The following ATRX variants were observed in gnomAD, a reference collection of about 807,000 sequenced individuals.
ATRX encodes the protein ATRX chromatin remodeler, also known as chromatin remodeler ATRX.
In ATRX, 12 loss-of-function variants were observed where a neutral mutation model predicts 172.6. That is an observed-to-expected ratio of 0.07 (90% CI 0.04 to 0.11). The LOEUF is 0.11. ATRX is among the 10% of genes least tolerant of loss of function. The pLI is 1.00. For missense variants in ATRX, 1,368 were observed against 1,767.4 expected (o/e 0.77, Z 4.05); for synonymous variants, 674 against 594.7 (o/e 1.13, Z -1.94).
At chrX:77,563,273 G>A (rs2065079694) in intron 28 of ATRX, among the ~76,000 whole-genome samples, 1 of 112,204 alleles carries the variant, frequency 8.9e-6, no homozygotes, top group East Asian at 2.8e-4. Flanking sequence ...ATATGGGTAA[G>A]GCTTAAGTAA....
At chrX:77,610,255 T>C (rs1031790816) in intron 22 of ATRX, among the ~76,000 whole-genome samples, 29 of 112,183 alleles carry the variant, frequency 2.6e-4, no homozygotes, top group Non-Finnish European at 3.8e-5. Context: ...GGCCAGAACC[T>C]CTAGAAAATG....
chrX:77,521,644 A>G (rs1251587997), intron 32 of ATRX, 146 bp from the exon 33 acceptor site: 2 of 449,979 alleles, frequency 4.4e-6, no homozygotes, highest in African/African-American at 4.8e-5. Context: ...CAGTATCAAT[A>G]AAGTGGAGTA....
intron 4 of ATRX, 144 bp from the exon 5 acceptor site, chrX:77,696,848 A>AT: frequency 5.4e-6 from 3 of 558,735 alleles, no homozygotes; most frequent in Non-Finnish European, 8.5e-6. Context: ...ATGTATGTCT[A>AT]TACCATATCA....
chrX:77,584,625 C>T (rs1557075861), intron 27 of ATRX, among the ~76,000 whole-genome samples: 1 of 111,315 alleles, frequency 9.0e-6, no homozygotes, highest in Admixed American at 9.6e-5. Flanking sequence ...AAAAACTAGA[C>T]CCCTATCTCT....
intron 19 of ATRX, among the ~76,000 whole-genome samples, chrX:77,620,870 A>G (rs1353016905): frequency 8.9e-6 from 1 of 112,187 alleles, no homozygotes; most frequent in African/African-American, 3.2e-5. Flanking sequence ...TTAAAATTGA[A>G]AAGTCTTTAA....
At chrX:77,684,677 T>C in intron 8 of ATRX, 84 bp from the exon 9 acceptor site, 1 of 1,035,327 alleles carries the variant, frequency 9.7e-7, no homozygotes, top group Non-Finnish European at 1.3e-6. Flanking sequence ...TAAACATTAT[T>C]CCCAACAAAA....
rs2148490130 is a variant in ATRX at position 77,663,547 on chromosome X, G to C, written c.3955C>G (p.Gln1319Glu). ...TCTGAATCTGATTCAGAATTGACTT[G>C]ATTTTTTGCTTCTAAATGAAGGAAA... ...ENPGDEEAKN[Q>E]VNSESDSDSE... is the part of the protein sequence containing the mutation. The change falls in exon 12 of 35, where the codon CAA becomes GAA. Residue 1319 changes from glutamine (Q) to glutamate (E), a missense_variant. This residue lies in a region of ATRX where 119 missense variants were observed against 131.3 expected (regional missense o/e 0.91). Transcript: ENST00000373344. 1 of 1,205,552 alleles carries C rather than the reference G, an allele frequency of 8.3e-7. No homozygotes were observed.
intron 1 of ATRX, among the ~76,000 whole-genome samples, chrX:77,735,935 C>T (rs1164830775): frequency 1.1e-4 from 12 of 108,953 alleles, no homozygotes; most frequent in African/African-American, 3.3e-4. Flanking sequence ...ACCTGGGAGA[C>T]GGAGGTTGCA....
At chrX:77,576,118 T>C (rs1476346741) in intron 27 of ATRX, among the ~76,000 whole-genome samples, 5 of 111,282 alleles carry the variant, frequency 4.5e-5, no homozygotes, top group Non-Finnish European at 9.4e-5. Flanking sequence ...AGAAATAAAC[T>C]AGCAAGCATA....
At chrX:77,532,898 A>G (rs1201479770) in intron 30 of ATRX, among the ~76,000 whole-genome samples, 1 of 112,357 alleles carries the variant, frequency 8.9e-6, no homozygotes, top group East Asian at 2.8e-4. Context: ...TATCTATATT[A>G]CAAAGGTATA....
chrX:77,615,850 T>C (rs1273895930), intron 22 of ATRX: 1 of 506,767 alleles, frequency 2.0e-6, no homozygotes, highest in Non-Finnish European at 2.4e-6. Context: ...GTATTCACAA[T>C]TGGCCAAAGA....
chrX:77,510,485 C>A (rs2062833010), intron 34 of ATRX, among the ~76,000 whole-genome samples: 1 of 111,050 alleles, frequency 9.0e-6, no homozygotes, highest in East Asian at 2.9e-4. Flanking sequence ...ACCAAGCAGA[C>A]CCTCGGGGAC....
chrX:77,627,641 T>C (rs189558151), intron 19 of ATRX, among the ~76,000 whole-genome samples: 4 of 105,800 alleles, frequency 3.8e-5, no homozygotes, highest in Non-Finnish European at 7.8e-5. Flanking sequence ...AATAATTATC[T>C]AGGTGTTGTC....
intron 1 of ATRX, among the ~76,000 whole-genome samples, chrX:77,743,298 A>G (rs1343606657): frequency 9.0e-6 from 1 of 110,973 alleles, no homozygotes; most frequent in Non-Finnish European, 1.9e-5. Flanking sequence ...GACCAGGCCC[A>G]ACTTCCCCAT....
chrX:77,783,808 T>C (rs1393293862), intron 1 of ATRX, among the ~76,000 whole-genome samples: 1 of 111,630 alleles, frequency 9.0e-6, no homozygotes, highest in Non-Finnish European at 1.9e-5. Flanking sequence ...TGGAGCTCTT[T>C]CATAGTAAAT....
chrX:77,530,787 C>A (rs2063550289), intron 30 of ATRX, among the ~76,000 whole-genome samples: 1 of 108,870 alleles, frequency 9.2e-6, no homozygotes. Flanking sequence ...CATGGAAAAC[C>A]CCTAAGAAAA....
chrX:77,590,752 AT>A (rs782123300), intron 26 of ATRX, among the ~76,000 whole-genome samples: 2 of 112,024 alleles, frequency 1.8e-5, no homozygotes, highest in African/African-American at 3.2e-5. Flanking sequence ...TATGCAAAAA[AT>A]AACTTAAAAT....
At chrX:77,734,867 T>C (rs782082607) in intron 1 of ATRX, among the ~76,000 whole-genome samples, 18 of 109,216 alleles carry the variant, frequency 1.6e-4, no homozygotes, top group Non-Finnish European at 2.8e-4. Flanking sequence ...TCCCAGTAAT[T>C]TGGGGGGCCG....
chrX:77,767,779 C>CA (rs1348533499), intron 1 of ATRX, among the ~76,000 whole-genome samples: 1 of 111,765 alleles, frequency 8.9e-6, no homozygotes, highest in Non-Finnish European at 1.9e-5. Context: ...CCACATCCCT[C>CA]AGCTGTTTTA....
Sources: gnomAD v4.1 joint callset for allele counts (sites outside exome capture counted in the v4.1 genomes callset) on GRCh38, gnomAD v4.1.1 for gene constraint, gnomAD v4.1.1 regional missense constraint, MANE v1.5 for transcripts, NCBI Gene and HGNC (gene_info 2026-07-23, HGNC 2026-07-21) for gene names.